Variants in PHACTR1 observed in about 807,000 individuals in gnomAD.
PHACTR1 encodes the protein RPEL repeat containing 1.
In PHACTR1, 16 loss-of-function variants were observed where a neutral mutation model predicts 69.2. The ratio of observed to expected loss-of-function variants is 0.23; its 90% confidence interval spans 0.16 to 0.35. The LOEUF (loss-of-function observed/expected upper bound fraction) is 0.35. Ranked by LOEUF, PHACTR1 falls within the 10% of genes least tolerant of loss-of-function variation. PHACTR1 has a pLI of 1.00. For missense variants in PHACTR1, 510 were observed against 734.7 expected (o/e 0.69, Z 3.54); for synonymous variants, 312 against 284.5 (o/e 1.10, Z -0.97).
At chr6:13,064,358 G>A (rs1000977093) in intron 5 of PHACTR1, among the ~76,000 whole-genome samples, 6 of 151,592 alleles carry the variant, frequency 4.0e-5, no homozygotes, top group African/African-American at 7.3e-5. Context: ...TTAAATGGAT[G>A]GAGGTATGTT....
chr6:13,275,767 A>G lies in PHACTR1; in HGVS notation c.1448-2501A>G, dbSNP rs1277247158. ...TGGCCCTAGTATTCTGTGCTTCTGTAAATTTTCACCGTGTGCCCTCTAGCT... is the reference window on the plus strand; with the variant it reads ...TGGCCCTAGTATTCTGTGCTTCTGTGAATTTTCACCGTGTGCCCTCTAGCT... On this transcript the variant is annotated intron_variant, in intron 11 of 14. Transcript: ENST00000332995. The surrounding 1 kb of genome is among the most constrained non-coding windows in gnomAD (Gnocchi z 4.0). The G allele has an allele frequency of 6.6e-6, 1 of 152,112 alleles. No individual in the cohort carries two copies. The highest frequency in any genetic ancestry group is 1.5e-5 in the Non-Finnish European group (1 of 68,016). 9.4% of individuals were successfully genotyped at this position (152,112 alleles called of 1,614,324 possible). A position where few individuals can be genotyped will look rare whatever the true frequency, so the allele number is the denominator to read the frequency against.
chr6:12,724,329 A>T (rs1026140379), intron 3 of PHACTR1, among the ~76,000 whole-genome samples: 1 of 152,162 alleles, frequency 6.6e-6, no homozygotes, highest in Non-Finnish European at 1.5e-5. Flanking sequence ...TCCATCTCAA[A>T]AAATAAATAA....
chr6:13,036,019 C>T (rs1294932541), intron 4 of PHACTR1, among the ~76,000 whole-genome samples: 2 of 152,008 alleles, frequency 1.3e-5, no homozygotes, highest in African/African-American at 4.8e-5. Flanking sequence ...ATATTCATTT[C>T]GCATAGCAAT....
chr6:12,898,995 C>A (rs1784945018), intron 4 of PHACTR1, among the ~76,000 whole-genome samples: 1 of 152,214 alleles, frequency 6.6e-6, no homozygotes, highest in Non-Finnish European at 1.5e-5. Flanking sequence ...AGCTACCCCA[C>A]TCCACTTCTG....
chr6:13,262,380 C>A (rs551623727), intron 10 of PHACTR1, among the ~76,000 whole-genome samples: 157 of 152,022 alleles, frequency 1.0e-3, no homozygotes, highest in Non-Finnish European at 2.0e-3. Flanking sequence ...TACAAGACAG[C>A]AGTTAGAAAG....
At chr6:12,722,966 T>G (rs1762310323) in intron 3 of PHACTR1, among the ~76,000 whole-genome samples, 1 of 152,206 alleles carries the variant, frequency 6.6e-6, no homozygotes. Context: ...TAATTTGAGC[T>G]CATCTGTGTT....
chr6:13,285,213 G>A (rs993033741), intron 13 of PHACTR1, among the ~76,000 whole-genome samples: 1 of 152,206 alleles, frequency 6.6e-6, no homozygotes, highest in Non-Finnish European at 1.5e-5. Context: ...CTCAATGGCT[G>A]TTGGGGACAG....
chr6:12,787,650 C>CT (rs1250122320), intron 4 of PHACTR1, among the ~76,000 whole-genome samples: 2 of 152,184 alleles, frequency 1.3e-5, no homozygotes, highest in East Asian at 3.8e-4. Flanking sequence ...TGGAGGGATT[C>CT]TGGAAGGCCA....
intron 6 of PHACTR1, among the ~76,000 whole-genome samples, chr6:13,162,164 A>G (rs1583655337): frequency 6.6e-6 from 1 of 151,886 alleles, no homozygotes; most frequent in Non-Finnish European, 1.5e-5. Flanking sequence ...CAATGGCAGG[A>G]TCTTAGCTCA....
chr6:13,010,156 T>G (rs1799282900), intron 4 of PHACTR1, among the ~76,000 whole-genome samples: 1 of 152,168 alleles, frequency 6.6e-6, no homozygotes, highest in South Asian at 2.1e-4. Flanking sequence ...AGACGGTGTT[T>G]TGCTCTTGTT....
At chr6:13,272,559 A>G (rs1777965257) in intron 10 of PHACTR1, 3 of 621,070 alleles carry the variant, frequency 4.8e-6, no homozygotes, top group Non-Finnish European at 5.2e-6. Context: ...CTGTGAAGAA[A>G]AGAGTCCCGT....
At chr6:13,125,484 G>A (rs1056280843) in intron 5 of PHACTR1, among the ~76,000 whole-genome samples, 2 of 151,684 alleles carry the variant, frequency 1.3e-5, no homozygotes, top group Admixed American at 1.3e-4. Flanking sequence ...GAAACCTATT[G>A]AAAAGTAATT....
chr6:13,059,561 G>T (rs1807376259), intron 5 of PHACTR1, among the ~76,000 whole-genome samples: 1 of 151,986 alleles, frequency 6.6e-6, no homozygotes, highest in Non-Finnish European at 1.5e-5. Flanking sequence ...TGATTGTGGT[G>T]ATGATATCAT....
At chr6:13,224,847 T>C (rs1769328387) in intron 8 of PHACTR1, among the ~76,000 whole-genome samples, 1 of 152,208 alleles carries the variant, frequency 6.6e-6, no homozygotes, top group Non-Finnish European at 1.5e-5. Flanking sequence ...CTCCGACAGC[T>C]CTGGAGACTG....
intron 4 of PHACTR1, among the ~76,000 whole-genome samples, chr6:12,933,227 G>A (rs992144488): frequency 1.3e-5 from 2 of 152,128 alleles, no homozygotes; most frequent in African/African-American, 4.8e-5. Context: ...ACAGGCATGA[G>A]CCACTACACC....
chr6:12,777,625 CTTTTTTTTTTT>C (rs869096915), intron 4 of PHACTR1, among the ~76,000 whole-genome samples: 1 of 99,016 alleles, frequency 1.0e-5, no homozygotes, highest in Non-Finnish European at 1.9e-5. Flanking sequence ...CTTTCTTCTT[CTTTTTTTTTTT>C]TTTTTTTTTT....
chr6:12,782,693 A>G (rs1770991205), intron 4 of PHACTR1, among the ~76,000 whole-genome samples: 1 of 152,246 alleles, frequency 6.6e-6, no homozygotes, highest in Admixed American at 6.5e-5. Flanking sequence ...AGAGCTGGAT[A>G]ATGGCCAGCC....
At chr6:13,143,687 A>G (rs778416261) in intron 5 of PHACTR1, among the ~76,000 whole-genome samples, 1 of 152,180 alleles carries the variant, frequency 6.6e-6, no homozygotes, top group Non-Finnish European at 1.5e-5. Context: ...TAAAATGAGG[A>G]AAGACTTCCC....
intron 13 of PHACTR1, 39 bp from the exon 14 acceptor site, chr6:13,286,107 C>T (rs1298623135): frequency 6.5e-7 from 1 of 1,539,498 alleles, no homozygotes; most frequent in Admixed American, 2.2e-5. Context: ...TTTTCTGTCT[C>T]TCTCCCATTG....
Sources: allele counts gnomAD v4.1 joint callset (sites outside exome capture counted in the v4.1 genomes callset), GRCh38; gene constraint gnomAD v4.1.1; non-coding constraint Gnocchi (gnomAD v3.1); transcripts MANE v1.5; gene names NCBI Gene and HGNC (gene_info 2026-07-23, HGNC 2026-07-21).